ERGIC1: variants seen among roughly 807,000 people sequenced by gnomAD.
The protein encoded by ERGIC1 is endoplasmic reticulum-Golgi intermediate compartment protein 1.
In ERGIC1, 19 loss-of-function variants were observed where a neutral mutation model predicts 38.3. The ratio of observed to expected loss-of-function variants is 0.50; its 90% CI spans 0.35 to 0.73. ERGIC1 has a LOEUF of 0.73. Among genes scored for constraint, ERGIC1 ranks in the 30% least tolerant of loss-of-function variants. The pLI is 0.01. For synonymous variants in ERGIC1, 124 were observed against 157.6 expected, an observed-to-expected ratio of 0.79 and a Z score of 1.60; for missense variants, 294 against 389.2, an observed-to-expected ratio of 0.76 and a Z score of 2.06.
chr5:172,898,399 C>T (rs1212681429), intron 3 of ERGIC1: 1 of 152,340 alleles, frequency 6.6e-6, no homozygotes, highest in Non-Finnish European at 1.5e-5. Context: ...TGCCTATCTC[C>T]CTAGCCCACA....
chr5:172,838,390 C>G (rs1448093842), intron 1 of ERGIC1, among the ~76,000 whole-genome samples: 2 of 152,162 alleles, frequency 1.3e-5, no homozygotes, highest in Admixed American at 1.3e-4. Flanking sequence ...TCATGCGGCC[C>G]TGATGGGGCT....
In ERGIC1 at chr5:172,950,830, C is replaced by G. The variant is rs1764215943; in HGVS notation, c.*14C>G. On this transcript the variant is annotated 3_prime_UTR_variant, in exon 10 of 10. Coordinates refer to ENST00000393784, the MANE Select transcript of ERGIC1 (RefSeq NM_001031711.3). ...AAGATGCATTGACGCCACACCCAGC[C>G]TAATGGCCGAGGACCCTGGGCATCG... The G allele has an allele frequency of 1.2e-6, 2 of 1,602,396 alleles. No homozygotes were observed. The highest frequency in any genetic ancestry group is 1.7e-6 in the Non-Finnish European group (2 of 1,171,464).
intron 1 of ERGIC1, among the ~76,000 whole-genome samples, chr5:172,886,207 C>T (rs1211759698): frequency 6.6e-6 from 1 of 152,136 alleles, no homozygotes; most frequent in African/African-American, 2.4e-5. Context: ...CCCAGTTTTC[C>T]GTCCTCCTCT....
Position 172,926,454 on chromosome 5 carries a change from A to G in ERGIC1, c.481-55A>G. On this transcript the variant is annotated intron_variant, in intron 6 of 9. Transcript: ENST00000393784. The surrounding 1 kb of genome is among the most constrained non-coding windows in gnomAD (Gnocchi z 5.2). ...CTGGCCATCCCCCACAACCAGGGCC[A>G]GGCCTGGAGGTGGAGGTGTCCTGGG... 1.3e-6 allele frequency: 2 copies of G among 1,599,058 alleles called. No individual in the cohort carries two copies.
At chr5:172,900,447 C>T (rs1762842543) in intron 3 of ERGIC1, among the ~76,000 whole-genome samples, 1 of 152,112 alleles carries the variant, frequency 6.6e-6, no homozygotes, top group Non-Finnish European at 1.5e-5. Context: ...TGGCTCACAC[C>T]TGTAATCCCA....
chr5:172,859,419 C>G (rs1458650324), intron 1 of ERGIC1, among the ~76,000 whole-genome samples: 1 of 152,020 alleles, frequency 6.6e-6, no homozygotes, highest in Non-Finnish European at 1.5e-5. Context: ...TCCCAGCTGA[C>G]GGAAAAGGCC....
At chr5:172,907,156 G>A (rs1001448587) in intron 3 of ERGIC1, among the ~76,000 whole-genome samples, 2 of 152,142 alleles carry the variant, frequency 1.3e-5, no homozygotes, top group Admixed American at 6.5e-5. Flanking sequence ...GCCATCCCCT[G>A]CCTGGTCTCC....
chr5:172,893,933 G>GTATA (rs1403255421), intron 2 of ERGIC1, among the ~76,000 whole-genome samples: 1 of 51,014 alleles, frequency 2.0e-5, no homozygotes, highest in Non-Finnish European at 3.6e-5. Context: ...GTGTGTGTGT[G>GTATA]TGTATATATA....
chr5:172,885,616 G>A (rs1024493486), intron 1 of ERGIC1, among the ~76,000 whole-genome samples: 17 of 152,160 alleles, frequency 1.1e-4, no homozygotes, highest in African/African-American at 3.4e-4. Flanking sequence ...ACTCAGAGAA[G>A]CTGAGGCCCA....
chr5:172,845,327 T>C (rs896449389), intron 1 of ERGIC1, among the ~76,000 whole-genome samples: 7 of 152,174 alleles, frequency 4.6e-5, no homozygotes, highest in Non-Finnish European at 7.4e-5. Flanking sequence ...CCTACCAGCC[T>C]GTGCATCTGT....
At chr5:172,925,345 A>G (rs1211945204) in intron 6 of ERGIC1, among the ~76,000 whole-genome samples, 3 of 152,194 alleles carry the variant, frequency 2.0e-5, no homozygotes, top group African/African-American at 7.2e-5. Context: ...CTCTGTAACC[A>G]CCGTTCTCAT....
intron 1 of ERGIC1, chr5:172,867,223 C>G (rs1561708919): frequency 2.2e-6 from 1 of 455,248 alleles, no homozygotes; most frequent in East Asian, 7.0e-5. Context: ...GCTGGCAGCC[C>G]CTCCCTCCTG....
intron 3 of ERGIC1, among the ~76,000 whole-genome samples, chr5:172,904,199 A>G (rs891457227): frequency 1.3e-5 from 2 of 152,190 alleles, no homozygotes; most frequent in African/African-American, 4.8e-5. Flanking sequence ...ACAGCAAAGC[A>G]TACAAATATT....
chr5:172,885,029 T>G (rs992165322), intron 1 of ERGIC1, among the ~76,000 whole-genome samples: 5 of 152,194 alleles, frequency 3.3e-5, no homozygotes, highest in Admixed American at 6.5e-5. Context: ...CTGACTGAAC[T>G]TAGACACTCT....
chr5:172,932,528 G>T lies in ERGIC1; in HGVS notation c.634G>T (p.Ala212Ser). ...GCGGTACTCCTACCAGTACACGGTG[G>T]CCAACAAGGTGCGCGGGCGGTGGCT... ...KQRYSYQYTVANKEYVAYSHT... is the reference protein window; with the variant it reads ...KQRYSYQYTVSNKEYVAYSHT... The change falls in exon 8 of 10, where the codon GCC becomes TCC. Residue 212 changes from alanine (A) to serine (S), a missense_variant. By Grantham distance (99) the Ala-to-Ser change is moderately conservative. Transcript: ENST00000393784. The T allele has an allele frequency of 6.2e-7, 1 of 1,614,026 alleles. No homozygotes were observed. Among genetic ancestry groups the T allele is most frequent in the Non-Finnish European group, 8.5e-7 (1 of 1,179,974 alleles).
chr5:172,947,904 G>GTGTGTA (rs1764158099), intron 9 of ERGIC1, among the ~76,000 whole-genome samples: 1 of 151,848 alleles, frequency 6.6e-6, no homozygotes, highest in African/African-American at 2.4e-5. Context: ...GTGTGTGTGT[G>GTGTGTA]TGTGTGTGGT....
At chr5:172,844,848 C>A (rs990720409) in intron 1 of ERGIC1, among the ~76,000 whole-genome samples, 1 of 152,216 alleles carries the variant, frequency 6.6e-6, no homozygotes, top group Non-Finnish European at 1.5e-5. Context: ...TCCTGCACAT[C>A]CTTCAATACC....
chr5:172,865,151 T>G (rs1193232321), intron 1 of ERGIC1, among the ~76,000 whole-genome samples: 1 of 142,546 alleles, frequency 7.0e-6, no homozygotes, highest in Non-Finnish European at 1.5e-5. Context: ...ACTTTCTGGG[T>G]TCAAGCAATT....
chr5:172,902,975 C>G (rs957929926), intron 3 of ERGIC1, among the ~76,000 whole-genome samples: 1 of 152,076 alleles, frequency 6.6e-6, no homozygotes, highest in Admixed American at 6.6e-5. Flanking sequence ...TACACTCCCC[C>G]CACCCACACC....
Sources: allele counts gnomAD v4.1 joint callset (sites outside exome capture counted in the v4.1 genomes callset), GRCh38; gene constraint gnomAD v4.1.1; non-coding constraint Gnocchi (gnomAD v3.1); transcripts MANE v1.5; gene names NCBI Gene and HGNC (gene_info 2026-07-23, HGNC 2026-07-21).